KCNIP4: variants seen among roughly 807,000 people sequenced by gnomAD.
KCNIP4 encodes the protein Kv channel-interacting protein 4.
KCNIP4 carries 12 observed loss-of-function variants against 34.0 expected under a neutral mutation model. The observed-to-expected ratio is 0.35, with a 90% confidence interval of 0.23 to 0.57. KCNIP4 has a LOEUF of 0.57. KCNIP4 is among the 20% of genes least tolerant of loss of function. The pLI, the probability that KCNIP4 is intolerant of heterozygous loss-of-function variation, is 0.83. For synonymous variants in KCNIP4, 124 were observed against 102.2 expected (o/e 1.21, Z -1.29); for missense variants, 238 against 311.7 (o/e 0.76, Z 1.78).
intron 1 of KCNIP4, among the ~76,000 whole-genome samples, chr4:21,893,522 C>A (rs1316148325): frequency 2.0e-5 from 3 of 152,070 alleles, no homozygotes; most frequent in Non-Finnish European, 4.4e-5. Flanking sequence ...TTCTTTGAAT[C>A]CCTATGATAT....
chr4:21,031,074 A>G (rs757900697), intron 1 of KCNIP4, among the ~76,000 whole-genome samples: 7 of 152,176 alleles, frequency 4.6e-5, no homozygotes, highest in Admixed American at 3.3e-4. Flanking sequence ...GTCAGGTTCC[A>G]TCTTCCATCT....
chr4:21,499,338 A>AAAAAAAAAAAAAAC (rs1490043958), intron 1 of KCNIP4, among the ~76,000 whole-genome samples: 1 of 151,692 alleles, frequency 6.6e-6, no homozygotes, highest in South Asian at 2.1e-4. Context: ...CTCAAAAAAA[A>AAAAAAAAAAAAAAC]AAAAAAAACA....
At chr4:21,933,204 G>A (rs1025509567) in intron 1 of KCNIP4, among the ~76,000 whole-genome samples, 15 of 152,158 alleles carry the variant, frequency 9.9e-5, no homozygotes, top group African/African-American at 3.6e-4. Context: ...ACCAAGATCA[G>A]ATAATGTGAT....
intron 1 of KCNIP4, among the ~76,000 whole-genome samples, chr4:21,072,655 T>C (rs1745075955): frequency 6.6e-6 from 1 of 152,168 alleles, no homozygotes; most frequent in Non-Finnish European, 1.5e-5. Flanking sequence ...TTTAATTAGA[T>C]CCCATTTGTC....
At chr4:21,057,373 GCACTTGCA>G (rs1400728881) in intron 1 of KCNIP4, among the ~76,000 whole-genome samples, 1 of 152,104 alleles carries the variant, frequency 6.6e-6, no homozygotes, top group African/African-American at 2.4e-5. Flanking sequence ...ATTTCAGAAA[GCACTTGCA>G]ATAGCTTTGC....
chr4:21,689,424 C>T (rs1404798377), intron 1 of KCNIP4, among the ~76,000 whole-genome samples: 1 of 152,040 alleles, frequency 6.6e-6, no homozygotes, highest in African/African-American at 2.4e-5. Context: ...GATGCGATGA[C>T]CCAGCTTAGA....
intron 1 of KCNIP4, among the ~76,000 whole-genome samples, chr4:21,198,030 T>C (rs1756183414): frequency 6.6e-6 from 1 of 152,194 alleles, no homozygotes; most frequent in African/African-American, 2.4e-5. Flanking sequence ...AACAAGGATA[T>C]ATGGGCTTCT....
At chr4:20,786,894 G>A (rs1712073731) in intron 3 of KCNIP4, among the ~76,000 whole-genome samples, 1 of 152,084 alleles carries the variant, frequency 6.6e-6, no homozygotes, top group Non-Finnish European at 1.5e-5. Flanking sequence ...ATCATAGCAT[G>A]TGTTTTGTTA....
intron 1 of KCNIP4, among the ~76,000 whole-genome samples, chr4:21,685,850 A>G (rs1750766097): frequency 6.6e-6 from 1 of 152,196 alleles, no homozygotes; most frequent in Non-Finnish European, 1.5e-5. Context: ...TTGTGCTTTT[A>G]CTTGAAGATA....
At chr4:21,723,600 T>C (rs1208116622) in intron 1 of KCNIP4, among the ~76,000 whole-genome samples, 1 of 151,976 alleles carries the variant, frequency 6.6e-6, no homozygotes, top group Admixed American at 6.6e-5. Flanking sequence ...AACAAATGGC[T>C]CAGAAAAAGA....
At chr4:20,855,767 T>C (rs912918455) in intron 2 of KCNIP4, among the ~76,000 whole-genome samples, 3 of 152,170 alleles carry the variant, frequency 2.0e-5, no homozygotes, top group African/African-American at 7.2e-5. Flanking sequence ...CTTTTTATAT[T>C]ATAATAACTT....
intron 1 of KCNIP4, among the ~76,000 whole-genome samples, chr4:21,427,334 G>C (rs1726022281): frequency 6.6e-6 from 1 of 151,802 alleles, no homozygotes; most frequent in Non-Finnish European, 1.5e-5. Flanking sequence ...AAAAATTAAG[G>C]CTTTTATTTT....
chr4:21,346,371 C>T (rs963160238), intron 1 of KCNIP4, among the ~76,000 whole-genome samples: 6 of 140,736 alleles, frequency 4.3e-5, no homozygotes, highest in African/African-American at 1.3e-4. Flanking sequence ...AATAAAGAGC[C>T]TTTTTTCTAC....
intron 1 of KCNIP4, among the ~76,000 whole-genome samples, chr4:21,303,244 T>C (rs1043473307): frequency 1.3e-5 from 2 of 152,244 alleles, no homozygotes; most frequent in East Asian, 1.9e-4. Flanking sequence ...AAGTCTGTTA[T>C]ATGAGTTAGA....
intron 3 of KCNIP4, among the ~76,000 whole-genome samples, chr4:20,770,187 A>G (rs1016767792): frequency 1.3e-5 from 2 of 152,134 alleles, no homozygotes; most frequent in African/African-American, 4.8e-5. Flanking sequence ...TATACTCACA[A>G]GTGTATCCAC....
chr4:21,185,724 T>G (rs1467370637), intron 1 of KCNIP4, among the ~76,000 whole-genome samples: 2 of 152,182 alleles, frequency 1.3e-5, no homozygotes, highest in African/African-American at 4.8e-5. Context: ...ATCCTTAGGG[T>G]CAAAATTATT....
chr4:21,144,955 C>A (rs1752242884), intron 1 of KCNIP4, among the ~76,000 whole-genome samples: 2 of 145,850 alleles, frequency 1.4e-5, no homozygotes, highest in South Asian at 2.2e-4. Flanking sequence ...GGCACTTTTA[C>A]AATTTTAGAG....
chr4:20,777,642 T>G (rs1331935070), intron 3 of KCNIP4, among the ~76,000 whole-genome samples: 2 of 152,164 alleles, frequency 1.3e-5, no homozygotes, highest in African/African-American at 4.8e-5. Flanking sequence ...GAAATAAATT[T>G]CTGTTGTCTA....
At chr4:21,359,493 C>T (rs547606954) in intron 1 of KCNIP4, among the ~76,000 whole-genome samples, 32 of 152,046 alleles carry the variant, frequency 2.1e-4, no homozygotes, top group African/African-American at 7.5e-4. Context: ...CATCATAAAC[C>T]GAATGAGAGT....
Sources: allele counts gnomAD v4.1 joint callset (sites outside exome capture counted in the v4.1 genomes callset), GRCh38; gene constraint gnomAD v4.1.1; transcripts MANE v1.5; gene names NCBI Gene and HGNC (gene_info 2026-07-23, HGNC 2026-07-21).